The following HDAC9 variants were observed in gnomAD, a reference collection of about 807,000 sequenced individuals.
HDAC9 encodes the protein histone deacetylase 9, also known as MEF-2 interacting transcription repressor (MITR) protein.
HDAC9 carries 41 observed loss-of-function variants against 139.4 expected under a neutral mutation model. The observed-to-expected ratio is 0.29, with a 90% CI of 0.23 to 0.38. HDAC9 has a LOEUF of 0.38. HDAC9 is among the 10% of genes least tolerant of loss of function. The pLI is 1.00. For missense variants in HDAC9, 1,147 were observed against 1,297.0 expected (o/e 0.88, Z 1.78); for synonymous variants, 517 against 476.2 (o/e 1.09, Z -1.12).
intron 1 of HDAC9, among the ~76,000 whole-genome samples, chr7:18,409,121 A>G (rs572552531): frequency 2.0e-5 from 3 of 152,334 alleles, no homozygotes; most frequent in African/African-American, 7.2e-5. Context: ...TCAAGGGAAT[A>G]TTTTGTAGGT....
intron 6 of HDAC9, among the ~76,000 whole-genome samples, chr7:18,612,776 A>G (rs1252774293): frequency 2.6e-5 from 4 of 152,082 alleles, no homozygotes; most frequent in African/African-American, 9.7e-5. Context: ...TCAGAAAGAG[A>G]ATGGAGAAGC....
At chr7:18,729,884 C>A (rs1785890240) in intron 13 of HDAC9, among the ~76,000 whole-genome samples, 1 of 152,062 alleles carries the variant, frequency 6.6e-6, no homozygotes, top group Non-Finnish European at 1.5e-5. Context: ...TTAGTTGAAT[C>A]AATGAATATT....
intron 1 of HDAC9, among the ~76,000 whole-genome samples, chr7:18,402,443 TG>T (rs1240399500): frequency 1.3e-5 from 2 of 152,068 alleles, no homozygotes; most frequent in Non-Finnish European, 2.9e-5. Context: ...TGAGACAGTG[TG>T]GGGGATAGAG....
chr7:18,673,846 T>C (rs937630767), intron 12 of HDAC9, among the ~76,000 whole-genome samples: 2 of 152,036 alleles, frequency 1.3e-5, no homozygotes, highest in African/African-American at 4.8e-5. Flanking sequence ...ATATGAGGCA[T>C]CTGAATGGTT....
intron 23 of HDAC9, chr7:18,949,436 C>G (rs1235474043): frequency 4.2e-6 from 1 of 238,776 alleles, no homozygotes; most frequent in Non-Finnish European, 8.5e-6. Context: ...TTAATATGCA[C>G]TGGCCCTGAA....
intron 2 of HDAC9, among the ~76,000 whole-genome samples, chr7:18,281,188 C>G (rs1313636337): frequency 6.6e-6 from 1 of 152,168 alleles, no homozygotes; most frequent in Non-Finnish European, 1.5e-5. Flanking sequence ...GTTTGTGAGT[C>G]TGAAGCAGAA....
At chr7:18,977,513 C>G (rs758417527) in intron 25 of HDAC9, among the ~76,000 whole-genome samples, 1 of 152,158 alleles carries the variant, frequency 6.6e-6, no homozygotes, top group African/African-American at 2.4e-5. Context: ...ATATAAAAAT[C>G]TCAGCAGTTT....
At chr7:18,091,193 T>C (rs1414744278) in intron 1 of HDAC9, among the ~76,000 whole-genome samples, 1 of 152,196 alleles carries the variant, frequency 6.6e-6, no homozygotes, top group Non-Finnish European at 1.5e-5. Context: ...CTCATCCAAA[T>C]CATTAAGTAT....
chr7:18,554,273 A>G (rs1222073429), intron 2 of HDAC9, among the ~76,000 whole-genome samples: 3 of 150,194 alleles, frequency 2.0e-5, no homozygotes, highest in Non-Finnish European at 3.0e-5. Flanking sequence ...AAAAGACAGG[A>G]AAAAAAAAGG....
Position 18,996,726 on chromosome 7 carries a change from T to C in HDAC9, c.*664T>C, listed in dbSNP as rs1302507104. 1 of 152,192 alleles carries C rather than the reference T, an allele frequency of 6.6e-6. No individual in the cohort carries two copies. The highest frequency in any genetic ancestry group is 1.5e-5 in the Non-Finnish European group (1 of 68,048). The allele number at this position is 152,192 out of a possible 1,614,324, so 9.4% of individuals were successfully genotyped here. A position where few individuals can be genotyped will look rare whatever the true frequency, so the allele number is the denominator to read the frequency against. On this transcript the variant is annotated 3_prime_UTR_variant, in exon 26 of 26. Transcript: ENST00000686413. ...CCAAAGGAACCTCACACACTGTTTG[T>C]AATGGTGCAATATTTTATATCACTT...
intron 2 of HDAC9, among the ~76,000 whole-genome samples, chr7:18,283,390 G>T (rs1797231334): frequency 6.6e-6 from 1 of 152,122 alleles, no homozygotes; most frequent in Non-Finnish European, 1.5e-5. Context: ...AATATGTGAG[G>T]ATTACAATTT....
intron 2 of HDAC9, among the ~76,000 whole-genome samples, chr7:18,227,466 C>G (rs1314943014): frequency 6.6e-6 from 1 of 152,108 alleles, no homozygotes; most frequent in East Asian, 1.9e-4. Flanking sequence ...ATTGCATGAT[C>G]ACACACAAAG....
At chr7:18,611,265 T>C (rs904149361) in intron 6 of HDAC9, among the ~76,000 whole-genome samples, 1 of 152,132 alleles carries the variant, frequency 6.6e-6, no homozygotes, top group African/African-American at 2.4e-5. Context: ...TACTTTAGGG[T>C]ATTATTTGGT....
intron 17 of HDAC9, among the ~76,000 whole-genome samples, chr7:18,796,281 G>A (rs1399331162): frequency 6.6e-6 from 1 of 152,162 alleles, no homozygotes; most frequent in Non-Finnish European, 1.5e-5. Context: ...GAAAATGCCA[G>A]AAAAAATTGT....
chr7:18,579,986 C>T (rs1254091536), intron 2 of HDAC9, among the ~76,000 whole-genome samples: 2 of 152,054 alleles, frequency 1.3e-5, no homozygotes, highest in South Asian at 2.1e-4. Flanking sequence ...AAAGTAGCAA[C>T]GAAAGAGTCC....
chr7:18,579,286 T>C (rs900212886), intron 2 of HDAC9, among the ~76,000 whole-genome samples: 1 of 152,228 alleles, frequency 6.6e-6, no homozygotes. Context: ...TAAGGGGTTT[T>C]CTGCAGAATT....
intron 23 of HDAC9, among the ~76,000 whole-genome samples, chr7:18,952,529 TA>T (rs1247706763): frequency 6.6e-6 from 1 of 151,986 alleles, no homozygotes; most frequent in African/African-American, 2.4e-5. Context: ...GATATTTTAT[TA>T]GTAAAATCTA....
chr7:18,360,814 C>T (rs906181836), intron 1 of HDAC9, among the ~76,000 whole-genome samples: 2 of 152,090 alleles, frequency 1.3e-5, no homozygotes, highest in African/African-American at 4.8e-5. Context: ...TACTTACTTT[C>T]AGTGTCTAGA....
chr7:18,895,459 G>A (rs1014329829), intron 22 of HDAC9, among the ~76,000 whole-genome samples: 2 of 151,986 alleles, frequency 1.3e-5, no homozygotes, highest in Non-Finnish European at 2.9e-5. Context: ...AAGAGAGGAG[G>A]ATGCTTGGAA....
Sources: gnomAD v4.1 joint callset for allele counts (sites outside exome capture counted in the v4.1 genomes callset) on GRCh38, gnomAD v4.1.1 for gene constraint, MANE v1.5 for transcripts, NCBI Gene and HGNC (gene_info 2026-07-23, HGNC 2026-07-21) for gene names.